The following SLC2A13 variants were observed in gnomAD, a reference collection of about 807,000 sequenced individuals.
SLC2A13 encodes the protein solute carrier family 2 member 13.
A neutral mutation model predicts 64.4 loss-of-function variants in SLC2A13; 32 were observed. That is an observed-to-expected ratio of 0.50 (90% CI 0.37 to 0.67). The LOEUF is 0.67. Ranked by LOEUF, SLC2A13 falls within the 30% of genes least tolerant of loss-of-function variation. The pLI is 0.00. For synonymous variants in SLC2A13, 338 were observed against 327.1 expected (o/e 1.03, Z -0.36); for missense variants, 743 against 829.2 (o/e 0.90, Z 1.28).
At chr12:39,976,292 T>A (rs969013060) in intron 3 of SLC2A13, among the ~76,000 whole-genome samples, 1 of 152,336 alleles carries the variant, frequency 6.6e-6, no homozygotes, top group South Asian at 2.1e-4. Context: ...CAGGACTCTG[T>A]ATGGTAGGCT....
intron 3 of SLC2A13, among the ~76,000 whole-genome samples, chr12:40,022,545 C>T (rs1947736633): frequency 6.6e-6 from 1 of 152,120 alleles, no homozygotes; most frequent in South Asian, 2.1e-4. Flanking sequence ...AACTGTAAAA[C>T]AATTTTTAAG....
chr12:39,932,448 A>C (rs944399374), intron 4 of SLC2A13, among the ~76,000 whole-genome samples: 1 of 152,232 alleles, frequency 6.6e-6, no homozygotes, highest in East Asian at 1.9e-4. Flanking sequence ...TCTGGTTACA[A>C]AAAAGGGAAA....
At chr12:39,887,104 A>G (rs1229844906) in intron 4 of SLC2A13, among the ~76,000 whole-genome samples, 1 of 152,232 alleles carries the variant, frequency 6.6e-6, no homozygotes, top group Non-Finnish European at 1.5e-5. Context: ...TATGCACGCT[A>G]CACACAGAAC....
At position 39,899,501 on chromosome 12, in the gene SLC2A13, G is replaced by GTTA. The variant is rs552326043; in HGVS notation, c.1035-27543_1035-27541dup. Among the ~76,000 whole-genome samples the GTTA allele has an allele frequency of 2.5e-3, 380 of 152,164 alleles. 1 individual carries two copies. The highest frequency in any genetic ancestry group is 8.2e-3 in the African/African-American group (341 of 41,502). Reference sequence around the variant, plus strand: ...TTCCTTCAGTTCTGCTCTGATTTTAGTTATTTCTTGCCCTCTGCTAGCTTT... The same window carrying GTTA: ...TTCCTTCAGTTCTGCTCTGATTTTAGTTATTATTTCTTGCCCTCTGCTAGCTTT... On this transcript the variant is annotated intron_variant, in intron 4 of 9. Transcript: ENST00000280871.
intron 4 of SLC2A13, among the ~76,000 whole-genome samples, chr12:39,879,620 C>G (rs1386281614): frequency 6.6e-6 from 1 of 152,168 alleles, no homozygotes; most frequent in East Asian, 1.9e-4. Flanking sequence ...TGATTTCTCC[C>G]TTTTGGAATG....
intron 6 of SLC2A13, among the ~76,000 whole-genome samples, chr12:39,836,195 T>C (rs1434123409): frequency 6.6e-6 from 1 of 152,078 alleles, no homozygotes; most frequent in African/African-American, 2.4e-5. Flanking sequence ...TTTTTCTCAA[T>C]TGTAGACACC....
At chr12:40,064,367 A>G (rs1385587285) in intron 1 of SLC2A13, among the ~76,000 whole-genome samples, 1 of 152,160 alleles carries the variant, frequency 6.6e-6, no homozygotes. Context: ...TTAACTTTTT[A>G]ACATATAAGT....
chr12:39,828,373 C>A (rs1942750657), intron 7 of SLC2A13, among the ~76,000 whole-genome samples: 1 of 151,136 alleles, frequency 6.6e-6, no homozygotes, highest in African/African-American at 2.4e-5. Flanking sequence ...TTACTTTTCT[C>A]TAATTTATGT....
At chr12:39,980,422 G>T (rs1024780470) in intron 3 of SLC2A13, among the ~76,000 whole-genome samples, 2 of 151,390 alleles carry the variant, frequency 1.3e-5, no homozygotes, top group Non-Finnish European at 3.0e-5. Context: ...CTGTATTCAG[G>T]AAACCCATCT....
chr12:40,093,539 T>C (rs527570137), intron 1 of SLC2A13, among the ~76,000 whole-genome samples: 1 of 152,216 alleles, frequency 6.6e-6, no homozygotes, highest in East Asian at 1.9e-4. Flanking sequence ...TTTTGGCTAG[T>C]GGAAACTGCT....
intron 1 of SLC2A13, among the ~76,000 whole-genome samples, chr12:40,098,780 A>G (rs1014165248): frequency 3.3e-5 from 5 of 152,232 alleles, no homozygotes; most frequent in African/African-American, 1.2e-4. Flanking sequence ...TATGAAGACT[A>G]TGTGAATTAG....
At chr12:40,041,385 A>G (rs1948087305) in intron 2 of SLC2A13, among the ~76,000 whole-genome samples, 1 of 152,176 alleles carries the variant, frequency 6.6e-6, no homozygotes, top group Non-Finnish European at 1.5e-5. Flanking sequence ...TTTGAAGATT[A>G]CATTTCACCT....
chr12:40,006,600 G>A (rs1312316415), intron 3 of SLC2A13, among the ~76,000 whole-genome samples: 1 of 152,128 alleles, frequency 6.6e-6, no homozygotes, highest in Non-Finnish European at 1.5e-5. Context: ...CTTTCTAATA[G>A]TCTAAGCAAA....
rs73092239 is a variant in SLC2A13 at position 39,928,659 on chromosome 12, T to C, written c.1034+22598A>G. The stretch of plus-strand genomic sequence containing the variant: ...GATGTTCAGTTAAACCCAGCAGCTT[T>C]ATTTCCTCACACTCTCCACTAAAAT... On this transcript the variant is annotated intron_variant, in intron 4 of 9. Coordinates refer to ENST00000280871, the MANE Select transcript of SLC2A13 (RefSeq NM_052885.4). 9.9e-3 allele frequency among the ~76,000 whole-genome samples: 1,509 copies of C among 152,316 alleles called. 41 individuals are homozygous for C. Among genetic ancestry groups the C allele is most frequent in the Non-Finnish European group, 8.3e-3 (568 of 68,030 alleles).
chr12:40,051,394 T>C (rs1948251277), intron 1 of SLC2A13, among the ~76,000 whole-genome samples: 4 of 152,154 alleles, frequency 2.6e-5, no homozygotes, highest in Admixed American at 2.0e-4. Flanking sequence ...GCAGCATCCA[T>C]TAATCAGTGA....
At chr12:39,993,165 C>T (rs1437364073) in intron 3 of SLC2A13, among the ~76,000 whole-genome samples, 1 of 152,054 alleles carries the variant, frequency 6.6e-6, no homozygotes, top group African/African-American at 2.4e-5. Flanking sequence ...AAATATAAAA[C>T]GTTTTATTTC....
intron 4 of SLC2A13, among the ~76,000 whole-genome samples, chr12:39,941,484 A>G (rs1349863093): frequency 6.6e-6 from 1 of 152,088 alleles, no homozygotes. Context: ...GTAAGGTGGT[A>G]TTGCATTGTG....
rs528286613 is a variant in SLC2A13, at chr12:39,940,650, T to G, written c.1034+10607A>C. Among the ~76,000 whole-genome samples, 7 of 152,220 alleles carry G rather than the reference T, an allele frequency of 4.6e-5. No individual in the cohort carries two copies. The East Asian group carries it at 9.7e-4, about 21-fold the overall frequency. ...ATGGTTCTTGAGATGGCTGTGATTT[T>G]TTTTTAGCACACAAAAAGCCATTTT... On this transcript the variant is annotated intron_variant, in intron 4 of 9. Coordinates refer to ENST00000280871, the MANE Select transcript of SLC2A13 (RefSeq NM_052885.4).
Position 40,080,138 on chromosome 12 carries a change from C to T in SLC2A13, c.556+25115G>A, listed in dbSNP as rs144103919. Among the ~76,000 whole-genome samples, 1,036 of 152,132 alleles carry T rather than the reference C, an allele frequency of 6.8e-3. 8 individuals are homozygous for T. The highest frequency in any genetic ancestry group is 0.024 in the Middle Eastern group (7 of 292). ...TGGCCTCCCAAAGTGCTGGGATTAC[C>T]GGTGTGAGCCACCGCACCTGGGTTC... On this transcript the variant is annotated intron_variant, in intron 1 of 9. Transcript: ENST00000280871.
Sources: gnomAD v4.1 joint callset for allele counts (sites outside exome capture counted in the v4.1 genomes callset) on GRCh38, gnomAD v4.1.1 for gene constraint, MANE v1.5 for transcripts, NCBI Gene and HGNC (gene_info 2026-07-23, HGNC 2026-07-21) for gene names.